The following IL26 variants were observed in gnomAD, a reference collection of about 807,000 sequenced individuals.
IL26 encodes interleukin-26.
Under a neutral mutation model 21.7 loss-of-function variants are expected in IL26, and 23 were observed. The ratio of observed to expected loss-of-function variants is 1.06; its 90% CI spans 0.76 to 1.50. The LOEUF (loss-of-function observed/expected upper bound fraction) is 1.50, where lower values mean the gene tolerates loss of function less well. Among genes scored for constraint, IL26 ranks in the 40% most tolerant of loss-of-function variants. IL26 has a pLI of 0.00. For missense variants in IL26, 204 were observed against 196.0 expected, an observed-to-expected ratio of 1.04 and a Z score of -0.24; for synonymous variants, 63 against 67.8, an observed-to-expected ratio of 0.93 and a Z score of 0.34.
chr12:68,202,005 T>G lies in IL26; in HGVS notation c.429+13A>C. 1 of 1,555,396 alleles carries G rather than the reference T, an allele frequency of 6.4e-7. No homozygotes were observed. Among genetic ancestry groups the G allele is most frequent in the Non-Finnish European group, 8.7e-7 (1 of 1,143,656 alleles). ...AAACAAAGTTTTTTAATATAAGGAT[T>G]TAGAATTCTTACCCTATAAAATATT... On this transcript the variant is annotated intron_variant, in intron 4 of 4. Coordinates refer to ENST00000229134, the MANE Select transcript of IL26 (RefSeq NM_018402.2).
chr12:68,214,048 T>G (rs988651272), intron 3 of IL26, among the ~76,000 whole-genome samples: 1 of 152,164 alleles, frequency 6.6e-6, no homozygotes, highest in African/African-American at 2.4e-5. Flanking sequence ...TTTGGTATAT[T>G]GTGTTTCCAC....
In IL26 at chr12:68,201,938, A is replaced by G. The variant is rs755213718; in HGVS notation, c.430-7T>C. 99 of 1,590,532 alleles carry G rather than the reference A, an allele frequency of 6.2e-5. No individual in the cohort carries two copies. The highest frequency in any genetic ancestry group is 7.6e-5 in the Non-Finnish European group (89 of 1,168,404). The stretch of plus-strand genomic sequence containing the variant: ...AGATTCCTTTGTTTCCAATCTGCAG[A>G]TAAAGTACAGATATAAGAGAATAAA... On this transcript the variant is annotated splice_polypyrimidine_tract_variant and splice_region_variant and intron_variant, in intron 4 of 4. Coordinates refer to ENST00000229134, the MANE Select transcript of IL26 (RefSeq NM_018402.2).
chr12:68,224,504 C>A (rs1243706597), intron 3 of IL26, among the ~76,000 whole-genome samples: 1 of 150,544 alleles, frequency 6.6e-6, no homozygotes, highest in East Asian at 1.9e-4. Flanking sequence ...TGAGATTATG[C>A]CTTAAAAGGG....
At chr12:68,210,760 A>G (rs976112980) in intron 3 of IL26, among the ~76,000 whole-genome samples, 13 of 152,174 alleles carry the variant, frequency 8.5e-5, no homozygotes, top group African/African-American at 3.1e-4. Flanking sequence ...TCATGTTCCA[A>G]CCATAGAAAA....
chr12:68,222,596 C>T (rs919720516), intron 3 of IL26, among the ~76,000 whole-genome samples: 1 of 152,154 alleles, frequency 6.6e-6, no homozygotes. Context: ...TTCTGTCTCC[C>T]GATCGTGGAA....
At position 68,225,145 on chromosome 12, in the gene IL26, T is replaced by A. The variant is rs1182709233; in HGVS notation, c.363+4A>T. 6.2e-7 allele frequency: 1 copy of A among 1,607,606 alleles called. No individual in the cohort carries two copies. Among genetic ancestry groups the A allele is most frequent in the African/African-American group, 1.3e-5 (1 of 74,514 alleles). On this transcript the variant is annotated splice_donor_region_variant and intron_variant, in intron 3 of 4. Coordinates refer to ENST00000229134, the MANE Select transcript of IL26 (RefSeq NM_018402.2). The stretch of plus-strand genomic sequence containing the variant: ...AATGCACAGTATTTGTTGTGTATAC[T>A]TACACAGTGGCTCAATTTCTGCCTA...
rs775397300 is a variant in IL26, at chr12:68,225,760, C to T, written c.-4G>A. The T allele has an allele frequency of 9.9e-6, 16 of 1,613,474 alleles. No homozygotes were observed. The South Asian group carries it at 1.8e-4, about 18-fold the overall frequency. ...TCAAAATGAAATTCACCAGCATTTC[C>T]CTTCACCCCACTCAGCGTGTGTCAC... On this transcript the variant is annotated 5_prime_UTR_variant, in exon 1 of 5. Coordinates refer to ENST00000229134, the MANE Select transcript of IL26 (RefSeq NM_018402.2).
rs895467936 is a variant in IL26, at chr12:68,225,216, A to G, written c.296T>C (p.Leu99Ser). The change falls in exon 3 of 5, where the codon TTG becomes TCG. Residue 99 changes from leucine to serine, a missense_variant. By Grantham distance (145) the Leu-to-Ser change is moderately radical. Coordinates refer to ENST00000229134, the MANE Select transcript of IL26 (RefSeq NM_018402.2). ...FMEDVFGQLQLQGCKKIRFVE... is the reference protein window; with the variant it reads ...FMEDVFGQLQSQGCKKIRFVE... ...AAAGCGTATTTTCTTGCAGCCTTGCAATTGCAGTTGACCAAAAACGTCTTC... is the reference window on the plus strand; with the variant it reads ...AAAGCGTATTTTCTTGCAGCCTTGCGATTGCAGTTGACCAAAAACGTCTTC... 38 of 1,613,800 alleles carry G rather than the reference A, an allele frequency of 2.4e-5. No individual in the cohort carries two copies. The Admixed American group carries it at 5.3e-4, about 23-fold the overall frequency.
In IL26 at chr12:68,225,053, G is replaced by A. The variant is rs567721891; in HGVS notation, c.363+96C>T. The A allele has an allele frequency of 1.8e-5, 23 of 1,299,930 alleles. No individual in the cohort carries two copies. In the South Asian group the frequency reaches 1.8e-4, roughly 10 times the overall value. 80.5% of individuals were successfully genotyped at this position (1,299,930 alleles called of 1,614,324 possible). A position where few individuals can be genotyped will look rare whatever the true frequency, so the allele number is the denominator to read the frequency against. On this transcript the variant is annotated intron_variant, in intron 3 of 4. Transcript: ENST00000229134. ...CTACAAGCCAACAATTACAAAGCTC[G>A]TTTTACTCACCCTTTGGTGTGAGAC...
chr12:68,214,910 T>C (rs1373892244), intron 3 of IL26, among the ~76,000 whole-genome samples: 24 of 151,892 alleles, frequency 1.6e-4, no homozygotes, highest in Admixed American at 1.5e-3. Context: ...TTCATTTTGT[T>C]TTTTTTAACT....
intron 3 of IL26, among the ~76,000 whole-genome samples, chr12:68,205,989 T>C (rs1434207981): frequency 6.6e-6 from 1 of 152,230 alleles, no homozygotes. Context: ...CAGTGTCTAC[T>C]AGCTCTTGAA....
At chr12:68,222,332 G>A (rs546448659) in intron 3 of IL26, among the ~76,000 whole-genome samples, 1 of 152,304 alleles carries the variant, frequency 6.6e-6, no homozygotes, top group Non-Finnish European at 1.5e-5. Context: ...ACTTTCAGAA[G>A]AACACAAACC....
chr12:68,215,615 A>G (rs1005011287), intron 3 of IL26, among the ~76,000 whole-genome samples: 5 of 152,200 alleles, frequency 3.3e-5, no homozygotes, highest in Non-Finnish European at 7.3e-5. Context: ...AAACAATTCA[A>G]TAACATAATT....
At chr12:68,223,334 T>C (rs1869116311) in intron 3 of IL26, among the ~76,000 whole-genome samples, 1 of 152,128 alleles carries the variant, frequency 6.6e-6, no homozygotes, top group Non-Finnish European at 1.5e-5. Flanking sequence ...CCAGACCCTT[T>C]GGGAAGCAGC....
At chr12:68,217,060 TATAAAC>T (rs11570931) in intron 3 of IL26, among the ~76,000 whole-genome samples, 40,965 of 151,788 alleles carry the variant, frequency 0.27, 6,919 homozygotes, top group Non-Finnish European at 0.39. Context: ...TAGGAAAGAG[TATAAAC>T]ATAAAGAAGT....
intron 3 of IL26, among the ~76,000 whole-genome samples, chr12:68,216,458 A>C (rs1310739816): frequency 6.6e-6 from 1 of 152,226 alleles, no homozygotes; most frequent in East Asian, 1.9e-4. Context: ...AAAGCAATAA[A>C]GGAAGCACTA....
intron 3 of IL26, among the ~76,000 whole-genome samples, chr12:68,213,363 A>G (rs560944698): frequency 5.8e-4 from 88 of 152,042 alleles, no homozygotes; most frequent in African/African-American, 2.0e-3. Context: ...TCCTTGTCTG[A>G]TTTATATCAA....
chr12:68,203,610 C>T (rs193012757), intron 3 of IL26, among the ~76,000 whole-genome samples: 313 of 152,270 alleles, frequency 2.1e-3, no homozygotes, highest in Non-Finnish European at 3.6e-3. Context: ...AATGTCATAT[C>T]AATAAAGATA....
chr12:68,214,137 T>G (rs963658268), intron 3 of IL26, among the ~76,000 whole-genome samples: 8 of 152,200 alleles, frequency 5.3e-5, no homozygotes, highest in African/African-American at 1.7e-4. Context: ...AGCATATTAT[T>G]TAATTTCCAT....
Sources: allele counts gnomAD v4.1 joint callset (sites outside exome capture counted in the v4.1 genomes callset), GRCh38; gene constraint gnomAD v4.1.1; transcripts MANE v1.5; gene names NCBI Gene and HGNC (gene_info 2026-07-23, HGNC 2026-07-21).